The following TRHDE variants were observed in gnomAD, a reference collection of about 807,000 sequenced individuals.
The protein encoded by TRHDE is thyrotropin releasing hormone degrading enzyme, also known as thyrotropin-releasing hormone-degrading ectoenzyme.
Under a neutral mutation model 125.7 loss-of-function variants are expected in TRHDE, and 72 were observed. The observed-to-expected ratio is 0.57, with a 90% confidence interval of 0.47 to 0.70. The LOEUF (loss-of-function observed/expected upper bound fraction) is 0.70, where lower values mean the gene tolerates loss of function less well. Ranked by LOEUF, TRHDE falls within the 30% of genes least tolerant of loss-of-function variation. The pLI is 0.00. For missense variants in TRHDE, 1,110 were observed against 1,327.1 expected (o/e 0.84, Z 2.54); for synonymous variants, 509 against 509.1 (o/e 1.00, Z 0.00).
chr12:72,590,306 A>G (rs1193570190), intron 12 of TRHDE, among the ~76,000 whole-genome samples: 1 of 148,510 alleles, frequency 6.7e-6, no homozygotes, highest in Non-Finnish European at 1.5e-5. Flanking sequence ...AACATACCAT[A>G]TGTACATAAG....
intron 2 of TRHDE, among the ~76,000 whole-genome samples, chr12:72,341,874 A>G (rs1870101561): frequency 6.6e-6 from 1 of 152,164 alleles, no homozygotes; most frequent in African/African-American, 2.4e-5. Flanking sequence ...AACTTCTTCA[A>G]AATCCTGAGC....
chr12:72,208,429 T>C (rs145533415), intron 2 of TRHDE, among the ~76,000 whole-genome samples: 50 of 152,152 alleles, frequency 3.3e-4, no homozygotes, highest in African/African-American at 1.2e-3. Context: ...AAAATCAGGG[T>C]AAAACAGGTT....
chr12:72,126,257 G>A (rs1156991731), intron 2 of TRHDE, among the ~76,000 whole-genome samples: 1 of 152,056 alleles, frequency 6.6e-6, no homozygotes, highest in African/African-American at 2.4e-5. Context: ...TAAAAGATCG[G>A]TGTTGTTAAA....
In TRHDE at chr12:72,141,901, T is replaced by C. The variant is rs1876119718; in HGVS notation, n.279+36149T>C. ...TGGTTTGGCAATTATCACATTCCTCTTTTAGAGTGATAAATTGGCAGCTGG... is the reference window on the plus strand; with the variant it reads ...TGGTTTGGCAATTATCACATTCCTCCTTTAGAGTGATAAATTGGCAGCTGG... On this transcript the variant is annotated intron_variant and non_coding_transcript_variant, in intron 2 of 4. Transcript: ENST00000548156. 2.6e-5 allele frequency among the ~76,000 whole-genome samples: 4 copies of C among 152,130 alleles called. No homozygotes were observed. The South Asian group carries it at 8.3e-4, about 32-fold the overall frequency.
intron 2 of TRHDE, among the ~76,000 whole-genome samples, chr12:72,128,608 G>C (rs1875780705): frequency 6.6e-6 from 1 of 152,038 alleles, no homozygotes; most frequent in South Asian, 2.1e-4. Flanking sequence ...GAACTTTTAG[G>C]GTTTAAAACT....
At chr12:72,210,583 A>C (rs563002302) in intron 2 of TRHDE, among the ~76,000 whole-genome samples, 21 of 152,320 alleles carry the variant, frequency 1.4e-4, no homozygotes, top group Admixed American at 1.1e-3. Context: ...TATATGTCAA[A>C]AATTTTATTT....
At chr12:72,239,538 A>G (rs1231920318) in intron 2 of TRHDE, among the ~76,000 whole-genome samples, 2 of 152,112 alleles carry the variant, frequency 1.3e-5, no homozygotes, top group East Asian at 3.9e-4. Flanking sequence ...TCCTTGATAG[A>G]TTTTAAAGGT....
At chr12:72,182,308 C>A (rs1592472827) in intron 2 of TRHDE, among the ~76,000 whole-genome samples, 1 of 152,174 alleles carries the variant, frequency 6.6e-6, no homozygotes, top group Non-Finnish European at 1.5e-5. Flanking sequence ...TAAATTATCT[C>A]ACTTTCCTTT....
chr12:72,464,147 C>A (rs1014253013), intron 3 of TRHDE, among the ~76,000 whole-genome samples: 5 of 152,142 alleles, frequency 3.3e-5, no homozygotes, highest in Non-Finnish European at 5.9e-5. Context: ...CAGCCTACTA[C>A]AAGATGCTTA....
intron 6 of TRHDE, among the ~76,000 whole-genome samples, chr12:72,524,820 A>T (rs2135966906): frequency 6.6e-6 from 1 of 152,276 alleles, no homozygotes; most frequent in Admixed American, 6.5e-5. Context: ...CTACTATAAG[A>T]GGAGGCCCCG....
intron 2 of TRHDE, among the ~76,000 whole-genome samples, chr12:72,311,686 C>G (rs920615244): frequency 2.0e-5 from 3 of 152,118 alleles, no homozygotes; most frequent in African/African-American, 7.2e-5. Flanking sequence ...CCTGTTTTGT[C>G]CATTATATTG....
intron 2 of TRHDE, among the ~76,000 whole-genome samples, chr12:72,313,317 C>A (rs1051788605): frequency 3.3e-5 from 5 of 151,736 alleles, no homozygotes; most frequent in Admixed American, 2.0e-4. Flanking sequence ...AAATATTTGA[C>A]CACATATTAA....
At chr12:72,624,127 G>A (rs1463895135) in intron 15 of TRHDE, among the ~76,000 whole-genome samples, 1 of 151,936 alleles carries the variant, frequency 6.6e-6, no homozygotes, top group South Asian at 2.1e-4. Context: ...ATGCTGCTAG[G>A]TGTGTGTGAA....
At chr12:72,555,389 G>A (rs1165254036) in intron 7 of TRHDE, among the ~76,000 whole-genome samples, 2 of 151,940 alleles carry the variant, frequency 1.3e-5, no homozygotes, top group Admixed American at 1.3e-4. Context: ...GGCTTGAACT[G>A]CTATACCTCA....
At chr12:72,363,728 T>C (rs951428280) in intron 2 of TRHDE, among the ~76,000 whole-genome samples, 2 of 152,064 alleles carry the variant, frequency 1.3e-5, no homozygotes, top group Non-Finnish European at 1.5e-5. Context: ...GGATGCCCTC[T>C]CTCACCACTC....
intron 2 of TRHDE, among the ~76,000 whole-genome samples, chr12:72,177,481 A>T (rs1391124527): frequency 6.6e-6 from 1 of 152,122 alleles, no homozygotes; most frequent in Non-Finnish European, 1.5e-5. Flanking sequence ...AACCCAAACA[A>T]TCCAAACTAC....
intron 1 of TRHDE, among the ~76,000 whole-genome samples, chr12:72,283,223 C>A (rs1448818657): frequency 6.6e-6 from 1 of 152,100 alleles, no homozygotes; most frequent in African/African-American, 2.4e-5. Context: ...CTTTATAGAA[C>A]TTGTAGTAAA....
At chr12:72,317,529 G>A (rs1048511409) in intron 2 of TRHDE, among the ~76,000 whole-genome samples, 2 of 152,146 alleles carry the variant, frequency 1.3e-5, no homozygotes, top group African/African-American at 4.8e-5. Context: ...CTTTGTTGCT[G>A]TGTTCTCATA....
intron 10 of TRHDE, among the ~76,000 whole-genome samples, chr12:72,570,283 C>T (rs1468579693): frequency 6.6e-6 from 1 of 151,988 alleles, no homozygotes; most frequent in Non-Finnish European, 1.5e-5. Flanking sequence ...CACAGAATAT[C>T]AAGAATAGTA....
Sources: allele counts gnomAD v4.1 joint callset (sites outside exome capture counted in the v4.1 genomes callset), GRCh38; gene constraint gnomAD v4.1.1; transcripts MANE v1.5; gene names NCBI Gene and HGNC (gene_info 2026-07-23, HGNC 2026-07-21).